The following UBAC2 variants were observed in gnomAD, a reference collection of about 807,000 sequenced individuals.
The protein encoded by UBAC2 is UBA domain containing 2.
A neutral mutation model predicts 44.0 loss-of-function variants in UBAC2; 26 were observed. That is an observed-to-expected ratio of 0.59 (90% CI 0.43 to 0.82). UBAC2 has a LOEUF of 0.82. UBAC2 is among the 40% of genes least tolerant of loss of function. UBAC2 has a pLI of 0.00. For missense variants in UBAC2, 329 were observed against 419.4 expected, an observed-to-expected ratio of 0.78 and a Z score of 1.88; for synonymous variants, 155 against 154.3, an observed-to-expected ratio of 1.00 and a Z score of -0.04.
intron 7 of UBAC2, among the ~76,000 whole-genome samples, chr13:99,360,792 G>A (rs1028433827): frequency 7.2e-5 from 11 of 152,104 alleles, no homozygotes; most frequent in Non-Finnish European, 2.9e-5. Context: ...TTTGATTTAG[G>A]CCTCACAGCT....
chr13:99,367,764 A>C (rs1566525149), intron 7 of UBAC2, 23 bp from the exon 8 acceptor site: 1 of 1,613,936 alleles, frequency 6.2e-7, no homozygotes, highest in East Asian at 2.2e-5. Flanking sequence ...GTGTCTGATA[A>C]CTGTGTGTTG....
At chr13:99,300,732 G>A (rs570122712) in intron 4 of UBAC2, among the ~76,000 whole-genome samples, 4 of 152,296 alleles carry the variant, frequency 2.6e-5, no homozygotes, top group South Asian at 2.1e-4. Context: ...AATATATAGC[G>A]TTGAACATGT....
At chr13:99,317,165 T>C (rs1271895453) in intron 5 of UBAC2, among the ~76,000 whole-genome samples, 1 of 152,200 alleles carries the variant, frequency 6.6e-6, no homozygotes, top group Non-Finnish European at 1.5e-5. Context: ...GTGTCCTTGG[T>C]AAGTGTGCAG....
intron 4 of UBAC2, among the ~76,000 whole-genome samples, chr13:99,257,485 C>A (rs1469990090): frequency 6.6e-6 from 1 of 151,746 alleles, no homozygotes; most frequent in Non-Finnish European, 1.5e-5. Flanking sequence ...TCTTTTTTCC[C>A]ACGTTATGCT....
intron 4 of UBAC2, among the ~76,000 whole-genome samples, chr13:99,311,043 A>G (rs2044405397): frequency 6.6e-6 from 1 of 152,250 alleles, no homozygotes; most frequent in Non-Finnish European, 1.5e-5. Flanking sequence ...AACAAAAGGC[A>G]AGTTCTGCTG....
At chr13:99,358,456 G>A (rs557311893) in intron 7 of UBAC2, among the ~76,000 whole-genome samples, 2 of 152,258 alleles carry the variant, frequency 1.3e-5, no homozygotes, top group South Asian at 4.2e-4. Flanking sequence ...TTGCAAAAAT[G>A]GAAAACAGTG....
intron 6 of UBAC2, among the ~76,000 whole-genome samples, chr13:99,320,484 C>A (rs2044553501): frequency 6.6e-6 from 1 of 152,136 alleles, no homozygotes; most frequent in Non-Finnish European, 1.5e-5. Context: ...CTTTTACAGT[C>A]ATTGATTCAG....
At position 99,265,902 on chromosome 13, in the gene UBAC2, G is replaced by A. The variant is rs183393785; in HGVS notation, c.389+21278G>A. Among the ~76,000 whole-genome samples the A allele has an allele frequency of 8.8e-4, 134 of 152,266 alleles. No individual in the cohort carries two copies. In the Middle Eastern group the frequency reaches 0.014, roughly 16 times the overall value. On this transcript the variant is annotated intron_variant, in intron 4 of 8. Transcript: ENST00000403766. Reference sequence around the variant, plus strand: ...AAAGTGGGCAAGTTAAAAAGGTTTCGTATCAGAGAAGTTAGTTGCAATTTA... The same window carrying A: ...AAAGTGGGCAAGTTAAAAAGGTTTCATATCAGAGAAGTTAGTTGCAATTTA...
chr13:99,222,216 A>G (rs532450073), intron 1 of UBAC2, among the ~76,000 whole-genome samples: 2 of 152,342 alleles, frequency 1.3e-5, no homozygotes, highest in South Asian at 2.1e-4. Flanking sequence ...CAAGTAGTAA[A>G]GAATGCCACA....
At chr13:99,247,870 T>C (rs1481969440) in intron 4 of UBAC2, among the ~76,000 whole-genome samples, 1 of 99,614 alleles carries the variant, frequency 1.0e-5, no homozygotes, top group Non-Finnish European at 2.8e-5. Flanking sequence ...ATTCTCTCTC[T>C]CTCTTTTTTT....
intron 1 of UBAC2, among the ~76,000 whole-genome samples, chr13:99,236,817 T>C (rs1303860761): frequency 6.6e-6 from 1 of 151,888 alleles, no homozygotes; most frequent in East Asian, 1.9e-4. Flanking sequence ...ACCACTTCAC[T>C]CCAGCCTGGG....
At chr13:99,227,703 A>C (rs2043126474) in intron 1 of UBAC2, among the ~76,000 whole-genome samples, 1 of 152,214 alleles carries the variant, frequency 6.6e-6, no homozygotes, top group South Asian at 2.1e-4. Context: ...TCTACACTCC[A>C]AACCACAAGG....
At chr13:99,325,498 G>A (rs9517686) in intron 6 of UBAC2, among the ~76,000 whole-genome samples, 89,599 of 151,996 alleles carry the variant, frequency 0.59, 28,198 homozygotes, top group Non-Finnish European at 0.71. Context: ...CTTCTAGGAA[G>A]TCTTACTCAT....
chr13:99,340,670 C>A, intron 7 of UBAC2, 105 bp downstream of exon 7: 1 of 1,273,446 alleles, frequency 7.9e-7, no homozygotes, highest in South Asian at 1.5e-5. Flanking sequence ...TATTCCAGTG[C>A]CTTGCAAGTG....
In UBAC2 at chr13:99,266,677, CAT is replaced by C. The variant is rs530283540; in HGVS notation, c.389+22054_389+22055del. 2.3e-3 allele frequency among the ~76,000 whole-genome samples: 345 copies of C among 152,226 alleles called. 3 individuals carry two copies. The highest frequency in any genetic ancestry group is 9.1e-3 in the South Asian group (44 of 4,824). The stretch of plus-strand genomic sequence containing the variant: ...AAATGTGGCCTTAGAACAAATTTGA[CAT>C]GTTAAATATATATATATATGTATTA... On this transcript the variant is annotated intron_variant, in intron 4 of 8. Coordinates refer to ENST00000403766, the MANE Select transcript of UBAC2 (RefSeq NM_001144072.2).
intron 6 of UBAC2, 29 bp downstream of exon 6, chr13:99,318,098 TTC>T (rs762513032): frequency 5.2e-5 from 82 of 1,584,840 alleles, no homozygotes; most frequent in Non-Finnish European, 6.3e-5. Flanking sequence ...TTACACCCAA[TTC>T]TCTCTCTCTC....
chr13:99,266,140 T>A (rs1594069329), intron 4 of UBAC2, among the ~76,000 whole-genome samples: 1 of 152,016 alleles, frequency 6.6e-6, no homozygotes, highest in Non-Finnish European at 1.5e-5. Context: ...TAATTTTTTT[T>A]AAAAGCTATT....
intron 4 of UBAC2, among the ~76,000 whole-genome samples, chr13:99,280,487 A>T (rs1271736666): frequency 1.3e-5 from 2 of 152,236 alleles, no homozygotes; most frequent in African/African-American, 4.8e-5. Context: ...ACCCTGCTCC[A>T]GCCAGAGTTG....
At chr13:99,296,784 C>T (rs1025020654) in intron 4 of UBAC2, among the ~76,000 whole-genome samples, 7 of 152,028 alleles carry the variant, frequency 4.6e-5, no homozygotes, top group African/African-American at 1.4e-4. Context: ...ACCGCAACAA[C>T]CATGACTAAA....
Sources: allele counts gnomAD v4.1 joint callset (sites outside exome capture counted in the v4.1 genomes callset), GRCh38; gene constraint gnomAD v4.1.1; transcripts MANE v1.5; gene names NCBI Gene and HGNC (gene_info 2026-07-23, HGNC 2026-07-21).